SNCAIP: variants seen among roughly 807,000 people sequenced by gnomAD.
SNCAIP encodes the protein synuclein alpha interacting protein.
A neutral mutation model predicts 86.7 loss-of-function variants in SNCAIP; 43 were observed. The ratio of observed to expected loss-of-function variants is 0.50; its 90% confidence interval spans 0.39 to 0.64. The LOEUF (loss-of-function observed/expected upper bound fraction) is 0.64. SNCAIP is among the 30% of genes least tolerant of loss of function. The pLI, the probability that SNCAIP is intolerant of heterozygous loss-of-function variation, is 0.00. For missense variants in SNCAIP, 981 were observed against 1,103.1 expected, an observed-to-expected ratio of 0.89 and a Z score of 1.57; for synonymous variants, 417 against 427.2, an observed-to-expected ratio of 0.98 and a Z score of 0.29.
At chr5:122,400,644 G>C (rs527933225) in intron 2 of SNCAIP, among the ~76,000 whole-genome samples, 1 of 152,346 alleles carries the variant, frequency 6.6e-6, no homozygotes, top group Non-Finnish European at 1.5e-5. Context: ...TGGAGAAGCA[G>C]AACACAGCTG....
Position 122,354,941 on chromosome 5 carries a change from T to C in SNCAIP, c.-46-36148T>C, listed in dbSNP as rs57077461. On this transcript the variant is annotated intron_variant, in intron 1 of 10. Coordinates refer to ENST00000261368, the MANE Select transcript of SNCAIP (RefSeq NM_005460.4). ...ATTAAAGAAAATATGTTTGTTTTTCTAGGCATCACTCCCAAATCTGCAAGT... is the reference window on the plus strand; with the variant it reads ...ATTAAAGAAAATATGTTTGTTTTTCCAGGCATCACTCCCAAATCTGCAAGT... Among the ~76,000 whole-genome samples, 1,344 of 152,336 alleles carry C rather than the reference T, an allele frequency of 8.8e-3. 22 individuals are homozygous for C. Among genetic ancestry groups the C allele is most frequent in the African/African-American group, 0.031 (1,293 of 41,574 alleles).
At chr5:122,319,013 G>A (rs989845742) in intron 1 of SNCAIP, among the ~76,000 whole-genome samples, 4 of 142,846 alleles carry the variant, frequency 2.8e-5, no homozygotes, top group African/African-American at 1.0e-4. Flanking sequence ...CAAAGATTTA[G>A]AGATTTGAAG....
intron 1 of SNCAIP, among the ~76,000 whole-genome samples, chr5:122,388,051 T>C (rs1768579196): frequency 1.3e-5 from 2 of 152,174 alleles, no homozygotes; most frequent in African/African-American, 4.8e-5. Context: ...CCCCAAGGCA[T>C]GTTGGTGAGT....
At chr5:122,443,737 A>T in intron 7 of SNCAIP, 2 of 448,726 alleles carry the variant, frequency 4.5e-6, no homozygotes, top group South Asian at 3.2e-5. Context: ...AAAGGCATGC[A>T]ACCTCCCTGA....
chr5:122,453,076 G>C, intron 10 of SNCAIP: 1 of 853,182 alleles, frequency 1.2e-6, no homozygotes. Context: ...CATGGACTTG[G>C]AGCACCTTTC....
At position 122,442,525 on chromosome 5, in the gene SNCAIP, A is replaced by G. The variant is rs546744854; in HGVS notation, c.1422+1771A>G. Among the ~76,000 whole-genome samples, 3 of 152,304 alleles carry G rather than the reference A, an allele frequency of 2.0e-5. No individual in the cohort carries two copies. The East Asian group carries it at 5.8e-4, about 29-fold the overall frequency. Reference sequence around the variant, plus strand: ...ATCAAGTTTTTAAAAGAGTGATATGAAATTGGAGAGTATAGGAGAGAAATT... The same window carrying G: ...ATCAAGTTTTTAAAAGAGTGATATGGAATTGGAGAGTATAGGAGAGAAATT... On this transcript the variant is annotated intron_variant, in intron 7 of 10. Transcript: ENST00000261368.
In SNCAIP at chr5:122,423,578, A is replaced by T. The variant is rs1212090518; in HGVS notation, c.841A>T (p.Arg281Trp). ...GAAGACAACACCAGACTGCCAGCTCAGGGCCTTCCACCTACAATCCTCAGC... is the reference window on the plus strand; with the variant it reads ...GAAGACAACACCAGACTGCCAGCTCTGGGCCTTCCACCTACAATCCTCAGC... ...VEKTTPDCQL[R>W]AFHLQSSAAE... The change falls in exon 4 of 11, where the codon AGG becomes TGG. Residue 281 changes from arginine (R) to tryptophan (W), a missense_variant. By Grantham distance (101) the Arg-to-Trp change is moderately radical. Coordinates refer to ENST00000261368, the MANE Select transcript of SNCAIP (RefSeq NM_005460.4). 2 of 1,614,184 alleles carry T rather than the reference A, an allele frequency of 1.2e-6. No homozygotes were observed. Among genetic ancestry groups the T allele is most frequent in the Non-Finnish European group, 1.7e-6 (2 of 1,180,024 alleles).
intron 2 of SNCAIP, among the ~76,000 whole-genome samples, chr5:122,392,402 C>T (rs1002026053): frequency 1.3e-5 from 2 of 150,748 alleles, no homozygotes; most frequent in Non-Finnish European, 3.0e-5. Flanking sequence ...GTCTGCCACT[C>T]TCTCTCTCTC....
At chr5:122,446,957 A>C (rs1184764387) in intron 8 of SNCAIP, among the ~76,000 whole-genome samples, 2 of 152,162 alleles carry the variant, frequency 1.3e-5, no homozygotes, top group Admixed American at 1.3e-4. Flanking sequence ...CCCATCAAAA[A>C]AGTATGTTAG....
intron 1 of SNCAIP, among the ~76,000 whole-genome samples, chr5:122,363,654 C>A (rs547914055): frequency 2.7e-5 from 4 of 150,108 alleles, no homozygotes; most frequent in Non-Finnish European, 4.4e-5. Flanking sequence ...TCCACAGCAC[C>A]TAGAACAGTG....
At chr5:122,339,304 C>T (rs1757102150) in intron 1 of SNCAIP, among the ~76,000 whole-genome samples, 5 of 152,110 alleles carry the variant, frequency 3.3e-5, no homozygotes, top group Admixed American at 2.6e-4. Flanking sequence ...AAAGAGAGAC[C>T]GAAGTCTTGG....
intron 3 of SNCAIP, among the ~76,000 whole-genome samples, chr5:122,413,587 C>T (rs906674281): frequency 6.6e-6 from 1 of 152,100 alleles, no homozygotes; most frequent in South Asian, 2.1e-4. Context: ...ATTTCATTCA[C>T]TCCTGCACCC....
intron 1 of SNCAIP, among the ~76,000 whole-genome samples, chr5:122,319,312 C>G (rs1349855956): frequency 1.3e-5 from 2 of 151,978 alleles, no homozygotes; most frequent in African/African-American, 4.8e-5. Flanking sequence ...CAGTTTCTTA[C>G]TTATAAATTC....
chr5:122,463,335 A>G (rs887316360), intron 10 of SNCAIP, among the ~76,000 whole-genome samples, 156 bp from the exon 11 acceptor site: 1 of 152,218 alleles, frequency 6.6e-6, no homozygotes. Context: ...AGTAGTTTAC[A>G]TGAAAAGAGA....
intron 10 of SNCAIP, among the ~76,000 whole-genome samples, chr5:122,457,850 T>C (rs989545876): frequency 6.6e-6 from 1 of 152,220 alleles, no homozygotes; most frequent in African/African-American, 2.4e-5. Flanking sequence ...CTATTGACCA[T>C]TGCACAGTAG....
chr5:122,389,100 T>TAC (rs770604735), intron 1 of SNCAIP: 6 of 152,392 alleles, frequency 3.9e-5, no homozygotes, highest in Non-Finnish European at 5.9e-5. Context: ...TTGGAATGGC[T>TAC]ACACTCAACT....
In SNCAIP at chr5:122,450,542, C is replaced by G; in HGVS notation, c.1695C>G (p.Ser565=). ...KSLPSSPSSP[S]SPASRKSQWK... is the part of the protein sequence containing the mutation. ...TTCATCTTCTTTTTAGTTCACCATC[C>G]TCACCTGCCTCCAGAAAGTCCCAGT... Residue 565 remains serine, a synonymous_variant, in exon 10 of 11, where the codon TCC becomes TCG. Transcript: ENST00000261368. 2 of 1,612,976 alleles carry G rather than the reference C, an allele frequency of 1.2e-6. No individual in the cohort carries two copies. The highest frequency in any genetic ancestry group is 1.7e-6 in the Non-Finnish European group (2 of 1,179,010).
chr5:122,400,978 C>T (rs1316307247), intron 2 of SNCAIP: 2 of 1,545,676 alleles, frequency 1.3e-6, no homozygotes, highest in Non-Finnish European at 1.7e-6. Context: ...TCACTCTTCT[C>T]ACCCAAGGAC....
At chr5:122,396,031 A>G (rs1474741343) in intron 2 of SNCAIP, among the ~76,000 whole-genome samples, 1 of 151,822 alleles carries the variant, frequency 6.6e-6, no homozygotes, top group East Asian at 1.9e-4. Flanking sequence ...TCTATATGGA[A>G]ACTTTGTTTA....
Sources: allele counts gnomAD v4.1 joint callset (sites outside exome capture counted in the v4.1 genomes callset), GRCh38; gene constraint gnomAD v4.1.1; transcripts MANE v1.5; gene names NCBI Gene and HGNC (gene_info 2026-07-23, HGNC 2026-07-21).